Variants in SLC39A14 observed in about 807,000 individuals in gnomAD.
SLC39A14 encodes the protein solute carrier family 39 member 14.
In SLC39A14, 19 loss-of-function variants were observed where a neutral mutation model predicts 45.5. The observed-to-expected ratio is 0.42, with a 90% CI of 0.29 to 0.61. The LOEUF is 0.61. Among genes scored for constraint, SLC39A14 ranks in the 20% least tolerant of loss-of-function variants. SLC39A14 has a pLI of 0.22. For synonymous variants in SLC39A14, 264 were observed against 251.3 expected, an observed-to-expected ratio of 1.05 and a Z score of -0.48; for missense variants, 447 against 616.5, an observed-to-expected ratio of 0.73 and a Z score of 2.91.
Position 22,404,786 on chromosome 8 carries a change from C to T in SLC39A14, c.76C>T (p.Pro26Ser). Residue 26 changes from proline (P) to serine (S), a missense_variant, in exon 2 of 9, where the codon CCT (proline) becomes TCT (serine). By Grantham distance (74) the Pro-to-Ser change is moderately conservative. Transcript: ENST00000381237. ...LTLLGLWRTT[P>S]EAHASSLGAP... The stretch of plus-strand genomic sequence containing the variant: ...CCTGCTTGGCTTATGGAGAACCACC[C>T]CTGAGGCTCACGCTTCATCCCTGGG... 1 of 1,613,466 alleles carries T rather than the reference C, an allele frequency of 6.2e-7. No individual in the cohort carries two copies. The highest frequency in any genetic ancestry group is 1.1e-5 in the South Asian group (1 of 91,054).
intron 1 of SLC39A14, among the ~76,000 whole-genome samples, chr8:22,402,688 G>C (rs1184358253): frequency 1.3e-5 from 2 of 149,610 alleles, no homozygotes; most frequent in Non-Finnish European, 3.0e-5. Context: ...AGAATTGCTT[G>C]AACCCAGGAG....
intron 5 of SLC39A14, chr8:22,415,149 G>A (rs1026109161): frequency 2.2e-6 from 1 of 459,462 alleles, no homozygotes; most frequent in Non-Finnish European, 3.8e-6. Flanking sequence ...CCTTTGTTTT[G>A]TTCTAAGATT....
chr8:22,376,334 AT>A (rs778041310), intron 1 of SLC39A14, among the ~76,000 whole-genome samples: 1,755 of 122,410 alleles, frequency 0.014, 21 homozygotes, highest in African/African-American at 0.039. Context: ...ACCACACCTA[AT>A]TTTTTTTTTT....
rs967421897 is a variant in SLC39A14 at position 22,420,390 on chromosome 8, C to T, written c.*692C>T. 4 of 985,344 alleles carry T rather than the reference C, an allele frequency of 4.1e-6. No homozygotes were observed. The highest frequency in any genetic ancestry group is 6.2e-5 in the Admixed American group (1 of 16,252). 61.0% of individuals were successfully genotyped at this position (985,344 alleles called of 1,614,324 possible). ...TTTTGTAACAGCACCTGGTGTTTCA[C>T]GGCTGTCCGAGTGAGCTAACGTGGC... On this transcript the variant is annotated 3_prime_UTR_variant, in exon 9 of 9. Transcript: ENST00000381237.
intron 1 of SLC39A14, among the ~76,000 whole-genome samples, chr8:22,368,631 G>A (rs972982982): frequency 2.6e-5 from 4 of 152,064 alleles, no homozygotes; most frequent in Non-Finnish European, 5.9e-5. Flanking sequence ...CCGCCTCCCG[G>A]GTTCAAGCGA....
At chr8:22,423,229 C>T (rs1256367978), downstream of SLC39A14, among the ~76,000 whole-genome samples, 4 of 152,122 alleles carry the variant, frequency 2.6e-5, no homozygotes, top group Admixed American at 6.5e-5. Flanking sequence ...CTGCAGCCTC[C>T]GCTTCCTGGG....
chr8:22,376,592 G>A (rs749083430), intron 1 of SLC39A14, among the ~76,000 whole-genome samples: 2 of 151,978 alleles, frequency 1.3e-5, no homozygotes, highest in Non-Finnish European at 2.9e-5. Flanking sequence ...TACAAAAACT[G>A]AATGGGGCCA....
Position 22,414,788 on chromosome 8 carries a change from T to G in SLC39A14, c.636T>G (p.Gly212=). ...ALFQLIPEAF[G]FNPLEDYYVS... ...TTTTCCTGGGTCCACAGGCATTTGG[T>G]TTCAACCCTCTGGAAGATTATTATG... Residue 212 remains glycine, a synonymous_variant, in exon 5 of 9, where the codon GGT becomes GGG. Coordinates refer to ENST00000381237, the MANE Select transcript of SLC39A14 (RefSeq NM_001128431.4). 3 of 1,606,976 alleles carry G rather than the reference T, an allele frequency of 1.9e-6. No individual in the cohort carries two copies. The highest frequency in any genetic ancestry group is 2.5e-6 in the Non-Finnish European group (3 of 1,178,830).
intron 1 of SLC39A14, among the ~76,000 whole-genome samples, chr8:22,372,446 T>C (rs974380196): frequency 6.6e-6 from 1 of 152,194 alleles, no homozygotes; most frequent in Non-Finnish European, 1.5e-5. Context: ...TAGTATTGCA[T>C]AGTATGGAAG....
chr8:22,383,105 T>C lies in SLC39A14; in HGVS notation c.-16+15697T>C, dbSNP rs142248157. ...TGGTGGAAAGCTGGGTGTGGTATGG[T>C]ATGAGCCAGAAAGGACCACTGCCTC... is the stretch of plus-strand genomic sequence containing the variant. On this transcript the variant is annotated intron_variant, in intron 1 of 8. Transcript: ENST00000381237. Among the ~76,000 whole-genome samples the C allele has an allele frequency of 7.0e-3, 1,069 of 152,220 alleles. 23 individuals carry two copies. The highest frequency in any genetic ancestry group is 0.025 in the African/African-American group (1,027 of 41,528).
At chr8:22,408,966 G>T (rs975879263) in intron 3 of SLC39A14, among the ~76,000 whole-genome samples, 1 of 151,018 alleles carries the variant, frequency 6.6e-6, no homozygotes, top group East Asian at 2.0e-4. Flanking sequence ...GACTACAGGC[G>T]TGCACCGCCA....
At position 22,396,600 on chromosome 8, in the gene SLC39A14, A is replaced by AGAGAGAAGGAC. The variant is rs1563534591; in HGVS notation, c.-15-8094_-15-8093insGAGAAGGACGA. ...AGAGAGAGAGAGAGAGAGAGAGAGAAGACTAAGTGGAATTTGGAATTGGAT... is the reference window on the plus strand; with the variant it reads ...AGAGAGAGAGAGAGAGAGAGAGAGAAGAGAGAAGGACGACTAAGTGGAATTTGGAATTGGAT... On this transcript the variant is annotated intron_variant, in intron 1 of 8. Coordinates refer to ENST00000381237, the MANE Select transcript of SLC39A14 (RefSeq NM_001128431.4). Among the ~76,000 whole-genome samples, 6 of 25,190 alleles carry AGAGAGAAGGAC rather than the reference A, an allele frequency of 2.4e-4. 1 individual carries two copies. Among genetic ancestry groups the AGAGAGAAGGAC allele is most frequent in the Non-Finnish European group, 1.2e-4 (1 of 8,662 alleles). 16.5% of individuals were successfully genotyped at this position (25,190 alleles called of 152,430 possible). A position where few individuals can be genotyped will look rare whatever the true frequency, so the allele number is the denominator to read the frequency against.
chr8:22,376,253 C>T (rs1282642801), intron 1 of SLC39A14, among the ~76,000 whole-genome samples: 1 of 151,686 alleles, frequency 6.6e-6, no homozygotes, highest in African/African-American at 2.4e-5. Context: ...CTCTCTGCAG[C>T]CTCCACCTCC....
intron 3 of SLC39A14, chr8:22,410,094 G>A (rs1364352725): frequency 6.2e-7 from 1 of 1,614,132 alleles, no homozygotes; most frequent in South Asian, 1.1e-5. Flanking sequence ...TGTCTAACGC[G>A]CTATTCCAGC....
In SLC39A14 at chr8:22,367,817, C is replaced by G. The variant is rs961163011; in HGVS notation, c.-16+409C>G. ...TCTGGACTTTGCTTTTCAGGAGCTG[C>G]GTCCCCGGGCCCCCGCCGGTCCATC... On this transcript the variant is annotated intron_variant, in intron 1 of 8. Transcript: ENST00000381237. The surrounding 1 kb of genome is among the most constrained non-coding windows in gnomAD (Gnocchi z 4.2). 1.3e-5 allele frequency: 2 copies of G among 153,158 alleles called. No homozygotes were observed. The highest frequency in any genetic ancestry group is 2.9e-5 in the Non-Finnish European group (2 of 68,856). The allele number at this position is 153,158 out of a possible 1,614,324, so 9.5% of individuals were successfully genotyped here. A position where few individuals can be genotyped will look rare whatever the true frequency, so the allele number is the denominator to read the frequency against.
At chr8:22,369,525 C>A (rs1832819651) in intron 1 of SLC39A14, among the ~76,000 whole-genome samples, 1 of 152,218 alleles carries the variant, frequency 6.6e-6, no homozygotes, top group African/African-American at 2.4e-5. Context: ...CTGGCCCCCA[C>A]CCTTCCAGTG....
chr8:22,411,504 G>A (rs1368695940), intron 3 of SLC39A14, among the ~76,000 whole-genome samples: 1 of 152,248 alleles, frequency 6.6e-6, no homozygotes, highest in African/African-American at 2.4e-5. Flanking sequence ...AGCAAACCAA[G>A]TGGTCGTGGT....
Position 22,367,948 on chromosome 8 carries a change from T to A in SLC39A14, c.-16+540T>A, listed in dbSNP as rs982580997. Among the ~76,000 whole-genome samples the A allele has an allele frequency of 1.3e-5, 2 of 152,002 alleles. No homozygotes were observed. The highest frequency in any genetic ancestry group is 4.8e-5 in the African/African-American group (2 of 41,394). The stretch of plus-strand genomic sequence containing the variant: ...CTATTTTTGGTCCTTAATGACCAAG[T>A]TAGGTGGTCGGGTTCAGGCTGCCCC... On this transcript the variant is annotated intron_variant, in intron 1 of 8. Transcript: ENST00000381237. This position sits in a 1 kb window ranked among gnomAD's most constrained non-coding sequence, Gnocchi z 4.2.
chr8:22,417,995 C>T lies in SLC39A14; in HGVS notation c.1332+160C>T, dbSNP rs143535142. 0.038 allele frequency among the ~76,000 whole-genome samples: 5,728 copies of T among 151,968 alleles called. 183 individuals are homozygous for T. The highest frequency in any genetic ancestry group is 0.087 in the African/African-American group (3,592 of 41,436). On this transcript the variant is annotated intron_variant, in intron 8 of 8. Coordinates refer to ENST00000381237, the MANE Select transcript of SLC39A14 (RefSeq NM_001128431.4). Reference sequence around the variant, plus strand: ...TCAGCTCACTGCAACCTCCGCGTCCCGGGTTCAAGTGATTCGCCTGCCTCA... The same window carrying T: ...TCAGCTCACTGCAACCTCCGCGTCCTGGGTTCAAGTGATTCGCCTGCCTCA...
Sources: gnomAD v4.1 joint callset for allele counts (sites outside exome capture counted in the v4.1 genomes callset) on GRCh38, gnomAD v4.1.1 for gene constraint, Gnocchi (gnomAD v3.1) non-coding constraint, MANE v1.5 for transcripts, NCBI Gene and HGNC (gene_info 2026-07-23, HGNC 2026-07-21) for gene names.